PXDN: variants seen among roughly 807,000 people sequenced by gnomAD.
PXDN encodes peroxidasin homolog.
Under a neutral mutation model 140.3 loss-of-function variants are expected in PXDN, and 77 were observed. The observed-to-expected ratio is 0.55, with a 90% CI of 0.46 to 0.66. The LOEUF (loss-of-function observed/expected upper bound fraction) is 0.66, where lower values mean the gene tolerates loss of function less well. Ranked by LOEUF, PXDN falls within the 30% of genes least tolerant of loss-of-function variation. PXDN has a pLI of 0.00. For synonymous variants in PXDN, 911 were observed against 857.4 expected (o/e 1.06, Z -1.09); for missense variants, 1,838 against 2,039.5 (o/e 0.90, Z 1.90).
Position 1,687,498 on chromosome 2 carries a change from T to C in PXDN, c.416+134A>G, listed in dbSNP as rs1376062490. The C allele has an allele frequency of 3.5e-6, 2 of 576,078 alleles. No homozygotes were observed. The highest frequency in any genetic ancestry group is 5.5e-6 in the Non-Finnish European group (2 of 361,404). The allele number at this position is 576,078 out of a possible 1,614,324, so 35.7% of individuals were successfully genotyped here. On this transcript the variant is annotated intron_variant, in intron 4 of 22. Transcript: ENST00000252804. The surrounding 1 kb of genome is among the most constrained non-coding windows in gnomAD (Gnocchi z 4.0). ...GCCCATCCCTGTTTTTCCGTCATCATGCACGTACTCCCCGCACCTCAGGTA... is the reference window on the plus strand; with the variant it reads ...GCCCATCCCTGTTTTTCCGTCATCACGCACGTACTCCCCGCACCTCAGGTA...
chr2:1,675,455 G>T lies in PXDN; in HGVS notation c.848+1472C>A, dbSNP rs138844054. The stretch of plus-strand genomic sequence containing the variant: ...AACATAATACTGCAGAATTCCTCCA[G>T]TGTTCTCTGGATTTTAAATCTCATC... On this transcript the variant is annotated intron_variant, in intron 8 of 22. Coordinates refer to ENST00000252804, the MANE Select transcript of PXDN (RefSeq NM_012293.3). Among the ~76,000 whole-genome samples, 913 of 152,308 alleles carry T rather than the reference G, an allele frequency of 6.0e-3. 5 individuals are homozygous for T. Among genetic ancestry groups the T allele is most frequent in the Middle Eastern group, 0.031 (9 of 294 alleles).
chr2:1,743,605 G>A (rs1451430621), intron 1 of PXDN, among the ~76,000 whole-genome samples: 1 of 148,350 alleles, frequency 6.7e-6, no homozygotes. Context: ...TCCAAGGGGC[G>A]GGGGAGGGGG....
intron 1 of PXDN, among the ~76,000 whole-genome samples, chr2:1,696,693 A>G (rs991159692): frequency 5.9e-5 from 9 of 152,218 alleles, no homozygotes; most frequent in Non-Finnish European, 1.0e-4. Context: ...ACCACAGCAC[A>G]TGAAAGGAGC....
intron 1 of PXDN, among the ~76,000 whole-genome samples, chr2:1,711,472 G>GCTCCACCAGCACCCA (rs1382429314): frequency 0.039 from 1,615 of 41,934 alleles, 240 homozygotes; most frequent in African/African-American, 0.15. Context: ...ACCAGCACCC[G>GCTCCACCAGCACCCA]CTCCACCAGC....
intron 10 of PXDN, 144 bp downstream of exon 10, chr2:1,666,070 G>C: frequency 3.4e-6 from 4 of 1,160,436 alleles, no homozygotes; most frequent in East Asian, 2.6e-5. Context: ...TTAGTCCAAG[G>C]GGGGTGTAAT....
At chr2:1,708,672 C>T (rs1294036032) in intron 1 of PXDN, among the ~76,000 whole-genome samples, 1 of 152,160 alleles carries the variant, frequency 6.6e-6, no homozygotes, top group Non-Finnish European at 1.5e-5. Flanking sequence ...GAGCTGCCCT[C>T]ACCTCCAGGC....
At position 1,710,668 on chromosome 2, in the gene PXDN, C is replaced by T. The variant is rs142466810; in HGVS notation, c.201-17534G>A. On this transcript the variant is annotated intron_variant, in intron 1 of 22. Coordinates refer to ENST00000252804, the MANE Select transcript of PXDN (RefSeq NM_012293.3). ...TGAACACCCACTCTCCACCAGCACC[C>T]GCTCTACCAGCACCCACTCTATGAA... Among the ~76,000 whole-genome samples, 180 of 144,704 alleles carry T rather than the reference C, an allele frequency of 1.2e-3. 3 individuals carry two copies. The highest frequency in any genetic ancestry group is 1.9e-3 in the East Asian group (9 of 4,728). The allele number at this position is 144,704 out of a possible 152,430, so 94.9% of individuals were successfully genotyped here. A position where few individuals can be genotyped will look rare whatever the true frequency, so the allele number is the denominator to read the frequency against.
intron 1 of PXDN, among the ~76,000 whole-genome samples, chr2:1,702,302 C>T (rs1300539594): frequency 1.3e-5 from 2 of 152,190 alleles, no homozygotes; most frequent in Non-Finnish European, 2.9e-5. Flanking sequence ...GGTGCCACCC[C>T]CCCAACCCCG....
At chr2:1,710,382 A>G (rs189838287) in intron 1 of PXDN, among the ~76,000 whole-genome samples, 1 of 152,280 alleles carries the variant, frequency 6.6e-6, no homozygotes, top group Admixed American at 6.5e-5. Context: ...TCTGGGGGAC[A>G]GCTGGAGACA....
At position 1,673,839 on chromosome 2, in the gene PXDN, C is replaced by G. The variant is rs774195396; in HGVS notation, c.849-27G>C. Reference sequence around the variant, plus strand: ...TACAAAGACAGAAATATGGTCTGGTCAAGTGTTGAAAGCACAAAGACGTAC... The same window carrying G: ...TACAAAGACAGAAATATGGTCTGGTGAAGTGTTGAAAGCACAAAGACGTAC... On this transcript the variant is annotated intron_variant, in intron 8 of 22. Transcript: ENST00000252804. 3.7e-6 allele frequency: 6 copies of G among 1,612,674 alleles called. No individual in the cohort carries two copies. In the East Asian group the frequency reaches 1.3e-4, roughly 36 times the overall value.
At chr2:1,642,310 G>T (rs1682746914) in intron 19 of PXDN, among the ~76,000 whole-genome samples, 1 of 152,124 alleles carries the variant, frequency 6.6e-6, no homozygotes, top group East Asian at 1.9e-4. Context: ...CTAAAACACA[G>T]CTCTATTATC....
rs2125422995 is a variant in PXDN at position 1,660,986 on chromosome 2, A to C, written c.1732T>G (p.Phe578Val). 6.2e-7 allele frequency: 1 copy of C among 1,614,028 alleles called. No homozygotes were observed. Among genetic ancestry groups the C allele is most frequent in the Non-Finnish European group, 8.5e-7 (1 of 1,179,900 alleles). ...SGKFHISPEG[F>V]LTINDVGPAD... ...GGGCCAACGTCATTGATGGTCAAGA[A>C]TCCTTCAGGGCTGATGTGAAATTTT... The change falls in exon 14 of 23, where the codon TTC becomes GTC. Residue 578 changes from phenylalanine (F) to valine (V), a missense_variant. Coordinates refer to ENST00000252804, the MANE Select transcript of PXDN (RefSeq NM_012293.3). This position sits in a 1 kb window ranked among gnomAD's most constrained non-coding sequence, Gnocchi z 4.6.
At chr2:1,659,599 G>T (rs941101927) in intron 14 of PXDN, among the ~76,000 whole-genome samples, 3 of 152,058 alleles carry the variant, frequency 2.0e-5, no homozygotes, top group Admixed American at 6.6e-5. Flanking sequence ...ATTACGGGTG[G>T]ACGATTAAAT....
rs1027040298 is a variant in PXDN, at chr2:1,651,713, C to A, written c.2104+1915G>T. Among the ~76,000 whole-genome samples the A allele has an allele frequency of 6.6e-6, 1 of 152,190 alleles. No individual in the cohort carries two copies. Among genetic ancestry groups the A allele is most frequent in the Non-Finnish European group, 1.5e-5 (1 of 68,044 alleles). ...CTCGCCCTTGTGGGGTCCCTGCTCA[C>A]GTGTCACCTTCGCCCATGGGGAACA... On this transcript the variant is annotated intron_variant, in intron 16 of 22. Coordinates refer to ENST00000252804, the MANE Select transcript of PXDN (RefSeq NM_012293.3). The surrounding 1 kb of genome is among the most constrained non-coding windows in gnomAD (Gnocchi z 4.4).
chr2:1,684,873 CAA>C (rs983724688), intron 4 of PXDN, among the ~76,000 whole-genome samples: 1 of 152,182 alleles, frequency 6.6e-6, no homozygotes, highest in Non-Finnish European at 1.5e-5. Flanking sequence ...AAGTCAAACA[CAA>C]AGTCAGTCTT....
At chr2:1,739,123 C>T (rs1304743918) in intron 1 of PXDN, among the ~76,000 whole-genome samples, 1 of 151,774 alleles carries the variant, frequency 6.6e-6, no homozygotes, top group Non-Finnish European at 1.5e-5. Flanking sequence ...GTGGCAAGGC[C>T]TCCTGTCCAC....
chr2:1,737,344 C>T (rs1685444772), intron 1 of PXDN, among the ~76,000 whole-genome samples: 1 of 152,146 alleles, frequency 6.6e-6, no homozygotes, highest in Admixed American at 6.5e-5. Context: ...GCAGTGATGA[C>T]TGATCTCGTA....
At chr2:1,733,184 G>T (rs1306047725) in intron 1 of PXDN, among the ~76,000 whole-genome samples, 2 of 151,890 alleles carry the variant, frequency 1.3e-5, no homozygotes, top group African/African-American at 4.8e-5. Flanking sequence ...AACACCCCCA[G>T]ATTTTCCAAA....
At chr2:1,740,651 G>A (rs900194707) in intron 1 of PXDN, among the ~76,000 whole-genome samples, 18 of 151,994 alleles carry the variant, frequency 1.2e-4, no homozygotes, top group Non-Finnish European at 2.1e-4. Context: ...CGTCCCACCA[G>A]GACTGCACAC....
Sources: allele counts gnomAD v4.1 joint callset (sites outside exome capture counted in the v4.1 genomes callset), GRCh38; gene constraint gnomAD v4.1.1; non-coding constraint Gnocchi (gnomAD v3.1); transcripts MANE v1.5; gene names NCBI Gene and HGNC (gene_info 2026-07-23, HGNC 2026-07-21).